The following FAM186A variants were observed in gnomAD, a reference collection of about 807,000 sequenced individuals.
The protein encoded by FAM186A is protein FAM186A.
In FAM186A, 163 loss-of-function variants were observed where a neutral mutation model predicts 216.8. The observed-to-expected ratio is 0.75, with a 90% CI of 0.66 to 0.86. The LOEUF (loss-of-function observed/expected upper bound fraction) is 0.86, where lower values mean the gene tolerates loss of function less well. Ranked by LOEUF, FAM186A falls within the 40% of genes least tolerant of loss-of-function variation. The probability of loss-of-function intolerance (pLI) is 0.00; values close to 1 mark genes in which losing one functional copy is unlikely to be tolerated. For synonymous variants in FAM186A, 805 were observed against 1,025.3 expected, an observed-to-expected ratio of 0.79 and a Z score of 4.10; for missense variants, 2,184 against 2,746.2, an observed-to-expected ratio of 0.80 and a Z score of 4.58.
At chr12:50,374,636 T>C (rs146022584) in intron 1 of FAM186A, among the ~76,000 whole-genome samples, 2 of 152,312 alleles carry the variant, frequency 1.3e-5, no homozygotes, top group African/African-American at 4.8e-5. Flanking sequence ...AAATGAGGAA[T>C]AGAGGGTAAT....
At chr12:50,373,020 AAAGAAAGAAAGAAAGAAAG>A (rs1279026248) in intron 1 of FAM186A, among the ~76,000 whole-genome samples, 2 of 144,128 alleles carry the variant, frequency 1.4e-5, no homozygotes, top group Admixed American at 7.1e-5. Context: ...AGAAAGAAAG[AAAGAAAGAAAGAAAGAAAG>A]AAAGAAAGAA....
In FAM186A at chr12:50,351,466, A is replaced by C; in HGVS notation, c.5366T>G (p.Leu1789Arg). The C allele has an allele frequency of 6.8e-7, 1 of 1,478,012 alleles. No individual in the cohort carries two copies. The highest frequency in any genetic ancestry group is 9.0e-7 in the Non-Finnish European group (1 of 1,116,618). 91.6% of individuals were successfully genotyped at this position (1,478,012 alleles called of 1,614,324 possible). ...EMGILSEPGK[L>R]GAPQTLRSSG... ...GGAACGAAGAGTCTGTGGTGCCCCA[A>C]GCTTCCCAGGCTCAGAAAGAATCCC... The change falls in exon 4 of 8, where the codon CTT becomes CGT. Residue 1789 changes from leucine (L) to arginine (R), a missense_variant. Transcript: ENST00000327337.
In FAM186A at chr12:50,350,384, G is replaced by T; in HGVS notation, c.6448C>A (p.Gln2150Lys). The stretch of plus-strand genomic sequence containing the variant: ...TACTTGCGGAATAAGTATCCCAACT[G>T]AACTGTGTCCATATGAAGTATCTCA... ...IIEILHMDTV[Q>K]LGYLFRKYIA... The change falls in exon 4 of 8, where the codon CAG (glutamine) becomes AAG (lysine). Residue 2150 changes from glutamine to lysine, a missense_variant. Gln to Lys is a moderately conservative substitution (Grantham distance 53). Around this residue, in one of 7 missense-constraint regions of FAM186A, gnomAD observed 721 missense variants for 816.4 expected, o/e 0.88. Transcript: ENST00000327337. 1 of 1,551,082 alleles carries T rather than the reference G, an allele frequency of 6.4e-7. No homozygotes were observed. The highest frequency in any genetic ancestry group is 1.2e-5 in the South Asian group (1 of 83,996).
At chr12:50,336,124 CAAA>C (rs55946153) in intron 4 of FAM186A, among the ~76,000 whole-genome samples, 1 of 133,426 alleles carries the variant, frequency 7.5e-6, no homozygotes, top group Non-Finnish European at 1.6e-5. Flanking sequence ...GACTCCATCT[CAAA>C]AAAAAAAAAA....
chr12:50,347,641 G>A (rs1022379095), intron 4 of FAM186A, among the ~76,000 whole-genome samples: 5 of 150,404 alleles, frequency 3.3e-5, no homozygotes, highest in South Asian at 2.1e-4. Flanking sequence ...CAGGAGAATC[G>A]CTTGAACCCA....
At chr12:50,379,473 C>G (rs113981872) in intron 1 of FAM186A, among the ~76,000 whole-genome samples, 10 of 83,366 alleles carry the variant, frequency 1.2e-4, no homozygotes, top group Non-Finnish European at 2.5e-4. Flanking sequence ...GAGGGAAAAA[C>G]AAAAACAAAA....
intron 1 of FAM186A, among the ~76,000 whole-genome samples, chr12:50,394,336 A>G (rs1434619463): frequency 6.6e-6 from 1 of 151,990 alleles, no homozygotes; most frequent in African/African-American, 2.4e-5. Context: ...GTGGGTCACA[A>G]GGTCAGGAGA....
At chr12:50,372,575 C>G (rs1444565249) in intron 1 of FAM186A, among the ~76,000 whole-genome samples, 4 of 148,736 alleles carry the variant, frequency 2.7e-5, no homozygotes, top group Non-Finnish European at 5.9e-5. Flanking sequence ...GCCCGGGCGA[C>G]AGTGTGAGAC....
intron 4 of FAM186A, among the ~76,000 whole-genome samples, chr12:50,337,643 A>T (rs990944146): frequency 6.6e-6 from 1 of 151,518 alleles, no homozygotes; most frequent in Non-Finnish European, 1.5e-5. Flanking sequence ...CACGCCTGTC[A>T]TCCCAGCACT....
intron 1 of FAM186A, among the ~76,000 whole-genome samples, chr12:50,385,084 C>CA (rs1943289389): frequency 6.7e-6 from 1 of 150,078 alleles, no homozygotes. Flanking sequence ...GGATTACAGA[C>CA]ATGAGCCACC....
Position 50,354,068 on chromosome 12 carries a change from G to A in FAM186A, c.2764C>T (p.Leu922=). 1 of 1,551,630 alleles carries A rather than the reference G, an allele frequency of 6.4e-7. No individual in the cohort carries two copies. Among genetic ancestry groups the A allele is most frequent in the South Asian group, 1.2e-5 (1 of 84,048 alleles). Residue 922 remains leucine, a synonymous_variant, in exon 4 of 8, where the codon CTG becomes TTG. Transcript: ENST00000327337. ...QEEEELPKSS[L]QRLEEGTQKM... is the part of the protein sequence containing the mutation. ...TGGGTCCCTTCTTCCAGCCGCTGCA[G>A]GCTTGACTTTGGAAGCTCTTCTTCC...
intron 1 of FAM186A, among the ~76,000 whole-genome samples, chr12:50,394,109 C>T (rs1331431740): frequency 2.0e-5 from 3 of 151,872 alleles, no homozygotes; most frequent in Non-Finnish European, 4.4e-5. Flanking sequence ...TAGTAGAGAC[C>T]GGGTTTCACC....
chr12:50,353,887 A>G lies in FAM186A; in HGVS notation c.2945T>C (p.Ile982Thr). The change falls in exon 4 of 8, where the codon ATC becomes ACC. Residue 982 changes from isoleucine to threonine, a missense_variant. Transcript: ENST00000327337. ...CATCTGCATCTGATCCTTTGTTTTGATCTGCCTTTCGAGGTCCTCTAGCCC... is the reference window on the plus strand; with the variant it reads ...CATCTGCATCTGATCCTTTGTTTTGGTCTGCCTTTCGAGGTCCTCTAGCCC... ...ERGLEDLERQ[I>T]KTKDQMQMKE... 1.3e-6 allele frequency: 2 copies of G among 1,551,378 alleles called. No homozygotes were observed. The highest frequency in any genetic ancestry group is 1.7e-6 in the Non-Finnish European group (2 of 1,147,070).
At chr12:50,380,629 G>C (rs1006710203) in intron 1 of FAM186A, among the ~76,000 whole-genome samples, 5 of 151,728 alleles carry the variant, frequency 3.3e-5, no homozygotes, top group African/African-American at 1.2e-4. Context: ...CTGGGAGGTG[G>C]AGGTTGCAGT....
At chr12:50,349,854 G>A (rs1315582107) in intron 4 of FAM186A, among the ~76,000 whole-genome samples, 1 of 152,002 alleles carries the variant, frequency 6.6e-6, no homozygotes, top group Non-Finnish European at 1.5e-5. Context: ...ATTTCGCCAT[G>A]TTGGCCAGGC....
chr12:50,395,164 G>A (rs183580758), intron 1 of FAM186A, among the ~76,000 whole-genome samples: 9 of 152,278 alleles, frequency 5.9e-5, no homozygotes, highest in Non-Finnish European at 1.3e-4. Context: ...AGTAGTGCAA[G>A]CATGGTGCTC....
intron 1 of FAM186A, among the ~76,000 whole-genome samples, chr12:50,373,592 A>G (rs1432883290): frequency 6.6e-6 from 1 of 152,172 alleles, no homozygotes; most frequent in Non-Finnish European, 1.5e-5. Flanking sequence ...AATGCTTCAT[A>G]AGATTTTCAT....
intron 1 of FAM186A, among the ~76,000 whole-genome samples, chr12:50,370,080 C>T (rs1166644248): frequency 1.5e-5 from 2 of 131,246 alleles, no homozygotes; most frequent in Non-Finnish European, 3.1e-5. Flanking sequence ...GCAGAGATTG[C>T]ACCACTGCAC....
chr12:50,329,357 G>T (rs1295549383), intron 7 of FAM186A, among the ~76,000 whole-genome samples: 2 of 151,976 alleles, frequency 1.3e-5, no homozygotes, highest in African/African-American at 2.4e-5. Context: ...CGCTATAAAA[G>T]GGAAAATCAG....
Sources: allele counts gnomAD v4.1 joint callset (sites outside exome capture counted in the v4.1 genomes callset), GRCh38; gene constraint gnomAD v4.1.1; regional missense constraint gnomAD v4.1.1; transcripts MANE v1.5; gene names NCBI Gene and HGNC (gene_info 2026-07-23, HGNC 2026-07-21).